ABCA4: variants seen among roughly 807,000 people sequenced by gnomAD.
ABCA4 encodes the protein ATP binding cassette subfamily A member 4, also known as retinal-specific phospholipid-transporting ATPase ABCA4.
Under a neutral mutation model 263.7 loss-of-function variants are expected in ABCA4, and 196 were observed. That is an observed-to-expected ratio of 0.74 (90% CI 0.66 to 0.84). The LOEUF is 0.84. Ranked by LOEUF, ABCA4 falls within the 40% of genes least tolerant of loss-of-function variation. The pLI, the probability that ABCA4 is intolerant of heterozygous loss-of-function variation, is 0.00. For missense variants in ABCA4, 2,792 were observed against 2,855.1 expected (o/e 0.98, Z 0.50); for synonymous variants, 1,133 against 1,094.2 (o/e 1.04, Z -0.70).
intron 12 of ABCA4, 47 bp downstream of exon 12, chr1:94,063,065 T>C (rs762413760): frequency 1.3e-6 from 2 of 1,543,602 alleles, no homozygotes; most frequent in Non-Finnish European, 1.8e-6. Context: ...AAATGTAATT[T>C]CCCACTGACT....
intron 47 of ABCA4, 46 bp downstream of exon 47, chr1:94,000,790 T>C (rs1242703967): frequency 6.3e-7 from 1 of 1,583,536 alleles, no homozygotes; most frequent in Non-Finnish European, 8.7e-7. Context: ...AGGATCCAGG[T>C]GGATCCACAG....
chr1:94,021,892 A>C lies in ABCA4; in HGVS notation c.4727T>G (p.Leu1576Arg), dbSNP rs1553188682. Reference sequence around the variant, plus strand: ...GCCAAGGTCGCTTAAAAACCCAACAAGTGCTTCCCCCGTGATGGGGACGAC... The same window carrying C: ...GCCAAGGTCGCTTAAAAACCCAACACGTGCTTCCCCCGTGATGGGGACGAC... ...LPVVPITGEA[L>R]VGFLSDLGRI... The change falls in exon 33 of 50, where the codon CTT (leucine) becomes CGT (arginine). Residue 1576 changes from leucine (L) to arginine (R), a missense_variant. Leu to Arg is a moderately radical substitution (Grantham distance 102). Coordinates refer to ENST00000370225, the MANE Select transcript of ABCA4 (RefSeq NM_000350.3). 2 of 1,614,174 alleles carry C rather than the reference A, an allele frequency of 1.2e-6. No individual in the cohort carries two copies. Among genetic ancestry groups the C allele is most frequent in the Non-Finnish European group, 1.7e-6 (2 of 1,180,030 alleles).
chr1:94,069,090 G>A (rs1570399063), intron 11 of ABCA4, among the ~76,000 whole-genome samples: 4 of 152,178 alleles, frequency 2.6e-5, no homozygotes, highest in South Asian at 2.1e-4. Flanking sequence ...TCACCCTGGC[G>A]GAAGAGGTTT....
intron 13 of ABCA4, 31 bp downstream of exon 13, chr1:94,062,546 C>G (rs1185964040): frequency 1.0e-5 from 14 of 1,389,010 alleles, no homozygotes; most frequent in Non-Finnish European, 1.3e-5. Context: ...ATTAGCGTGT[C>G]ATGGAGGAGG....
rs78491634 is a variant in ABCA4 at position 94,003,072 on chromosome 1, A to G, written c.6148-1080T>C. On this transcript the variant is annotated intron_variant, in intron 44 of 49. Transcript: ENST00000370225. ...CCTTCACTCCTAAATACTTCAGGGCATATTTCCTAAGAATAGAGATCTTCT... is the reference window on the plus strand; with the variant it reads ...CCTTCACTCCTAAATACTTCAGGGCGTATTTCCTAAGAATAGAGATCTTCT... Among the ~76,000 whole-genome samples, 343 of 152,338 alleles carry G rather than the reference A, an allele frequency of 2.3e-3. 2 individuals are homozygous for G. The highest frequency in any genetic ancestry group is 7.8e-3 in the African/African-American group (326 of 41,574).
chr1:93,996,778 A>G (rs553880637), intron 48 of ABCA4, among the ~76,000 whole-genome samples: 1 of 152,384 alleles, frequency 6.6e-6, no homozygotes, highest in South Asian at 2.1e-4. Context: ...TAGCACATAT[A>G]CGTACAAAGG....
intron 26 of ABCA4, among the ~76,000 whole-genome samples, chr1:94,036,359 T>C (rs184612341): frequency 3.4e-4 from 51 of 151,162 alleles, no homozygotes; most frequent in Middle Eastern, 6.8e-3. Context: ...TGCTTTGTTG[T>C]TTCATGACTT....
At chr1:94,005,186 G>A (rs1339352013) in intron 44 of ABCA4, among the ~76,000 whole-genome samples, 1 of 152,180 alleles carries the variant, frequency 6.6e-6, no homozygotes. Flanking sequence ...ACGTGTGATT[G>A]CTGAGTCAGA....
Position 94,044,652 on chromosome 1 carries a change from C to A in ABCA4, c.3011G>T (p.Ser1004Ile). The A allele has an allele frequency of 6.2e-7, 1 of 1,614,210 alleles. No individual in the cohort carries two copies. The highest frequency in any genetic ancestry group is 8.5e-7 in the Non-Finnish European group (1 of 1,180,048). The change falls in exon 20 of 50, where the codon AGC (serine) becomes ATC (isoleucine). Residue 1004 changes from serine to isoleucine, a missense_variant. Coordinates refer to ENST00000370225, the MANE Select transcript of ABCA4 (RefSeq NM_000350.3). Reference protein sequence around the residue: ...IETSLDAVRQSLGMCPQHNIL... With the variant: ...IETSLDAVRQILGMCPQHNIL... ...GTTGTGCTGTGGACACATGCCAAGG[C>A]TCTGCCGGACTGCATCCAGGCTGGT... is the stretch of plus-strand genomic sequence containing the variant.
chr1:94,009,894 A>G (rs1659499834), intron 40 of ABCA4, among the ~76,000 whole-genome samples: 2 of 152,314 alleles, frequency 1.3e-5, no homozygotes, highest in African/African-American at 4.8e-5. Context: ...AAGGACAACA[A>G]TTCCTGACAC....
At position 94,121,085 on chromosome 1, in the gene ABCA4, GC is replaced by G; in HGVS notation, c.-41del. The G allele has an allele frequency of 6.2e-7, 1 of 1,600,862 alleles. No individual in the cohort carries two copies. On this transcript the variant is annotated 5_prime_UTR_variant, in exon 1 of 50. Transcript: ENST00000370225. ...GAAGACCAGATTGGTCAGAGCTGAG[GC>G]CCCTCAGACAGCAAAGGACATAAAC...
intron 32 of ABCA4, among the ~76,000 whole-genome samples, chr1:94,023,077 T>C (rs1169013302): frequency 6.6e-6 from 1 of 152,180 alleles, no homozygotes; most frequent in African/African-American, 2.4e-5. Flanking sequence ...TACAAGGCCC[T>C]CTTGTTGGAG....
At chr1:94,019,292 G>A in intron 36 of ABCA4, 1 of 355,836 alleles carries the variant, frequency 2.8e-6, no homozygotes, top group Non-Finnish European at 5.3e-6. Flanking sequence ...TGCCTGCGGT[G>A]CAGTGATTAT....
chr1:94,112,857 C>T, intron 2 of ABCA4, 116 bp downstream of exon 2: 1 of 791,354 alleles, frequency 1.3e-6, no homozygotes, highest in Non-Finnish European at 2.3e-6. Flanking sequence ...GCATCATAGA[C>T]ATGAAATGAT....
chr1:94,111,855 G>A (rs566767817), intron 2 of ABCA4, among the ~76,000 whole-genome samples: 3 of 152,326 alleles, frequency 2.0e-5, no homozygotes, highest in South Asian at 2.1e-4. Context: ...GGGGGGACAC[G>A]TCATTTTGTG....
chr1:94,098,870 G>C lies in ABCA4; in HGVS notation c.692C>G (p.Ser231Cys). 2 of 1,614,122 alleles carry C rather than the reference G, an allele frequency of 1.2e-6. No homozygotes were observed. Among genetic ancestry groups the C allele is most frequent in the South Asian group, 2.2e-5 (2 of 91,080 alleles). ...CCACTGTAGGGTGCCCTGGGAGAGG[G>C]AGCACAGGGCATAGCGCACCGTCTT... is the stretch of plus-strand genomic sequence containing the variant. ...GAKTVRYALCSLSQGTLQWIE... is the reference protein window; with the variant it reads ...GAKTVRYALCCLSQGTLQWIE... The change falls in exon 6 of 50, where the codon TCC becomes TGC. Residue 231 changes from serine (S) to cysteine (C), a missense_variant. Ser to Cys is a moderately radical substitution (Grantham distance 112). Coordinates refer to ENST00000370225, the MANE Select transcript of ABCA4 (RefSeq NM_000350.3).
chr1:94,113,224 C>T lies in ABCA4; in HGVS notation c.67-158G>A, dbSNP rs1008399654. 9.2e-5 allele frequency among the ~76,000 whole-genome samples: 14 copies of T among 152,314 alleles called. No individual in the cohort carries two copies. In the South Asian group the frequency reaches 1.0e-3, roughly 11 times the overall value. ...ACAGTTTCCTTCCTTTACCCCCTCCCCACCATACACCCTCTACCTTGTTTT... is the reference window on the plus strand; with the variant it reads ...ACAGTTTCCTTCCTTTACCCCCTCCTCACCATACACCCTCTACCTTGTTTT... On this transcript the variant is annotated intron_variant, in intron 1 of 49. Transcript: ENST00000370225.
intron 38 of ABCA4, among the ~76,000 whole-genome samples, chr1:94,013,685 T>G (rs1469874439): frequency 2.0e-5 from 3 of 152,194 alleles, no homozygotes; most frequent in African/African-American, 7.2e-5. Flanking sequence ...TTTGGCCATC[T>G]GTCTCTGGAC....
Position 94,103,034 on chromosome 1 carries a change from G to T in ABCA4, c.551C>A (p.Ser184Tyr). 1 of 1,614,228 alleles carries T rather than the reference G, an allele frequency of 6.2e-7. No homozygotes were observed. Among genetic ancestry groups the T allele is most frequent in the Non-Finnish European group, 8.5e-7 (1 of 1,180,042 alleles). The change falls in exon 5 of 50, where the codon TCT becomes TAT. Residue 184 changes from serine to tyrosine, a missense_variant. Transcript: ENST00000370225. Reference sequence around the variant, plus strand: ...CCCTACCTGCTCTGGACGGACTTGAGAGTTGATCAGAAGGTAGACCACTGA... The same window carrying T: ...CCCTACCTGCTCTGGACGGACTTGATAGTTGATCAGAAGGTAGACCACTGA... ...SDSVVYLLIN[S>Y]QVRPEQFAHG...
Sources: gnomAD v4.1 joint callset for allele counts (sites outside exome capture counted in the v4.1 genomes callset) on GRCh38, gnomAD v4.1.1 for gene constraint, MANE v1.5 for transcripts, NCBI Gene and HGNC (gene_info 2026-07-23, HGNC 2026-07-21) for gene names.